Variants in KIF1B observed in about 807,000 individuals in gnomAD.
KIF1B encodes kinesin family member 1B, also known as kinesin-like protein KIF1B.
KIF1B carries 76 observed loss-of-function variants against 241.9 expected under a neutral mutation model. The ratio of observed to expected loss-of-function variants is 0.31; its 90% confidence interval spans 0.26 to 0.38. The LOEUF (loss-of-function observed/expected upper bound fraction) is 0.38. Ranked by LOEUF, KIF1B falls within the 10% of genes least tolerant of loss-of-function variation. The pLI is 1.00. For missense variants in KIF1B, 1,622 were observed against 2,271.4 expected (o/e 0.71, Z 5.81); for synonymous variants, 750 against 796.7 (o/e 0.94, Z 0.99).
chr1:10,234,576 C>T (rs1647025385), intron 2 of KIF1B, among the ~76,000 whole-genome samples: 1 of 151,502 alleles, frequency 6.6e-6, no homozygotes, highest in East Asian at 1.9e-4. Flanking sequence ...GGCTGGAGTG[C>T]AGTGGTGCAA....
chr1:10,362,439 G>T (rs1380922464), intron 40 of KIF1B, among the ~76,000 whole-genome samples: 1 of 149,790 alleles, frequency 6.7e-6, no homozygotes, highest in African/African-American at 2.5e-5. Flanking sequence ...TAGAGCCACT[G>T]CACTCCAGCC....
At chr1:10,339,400 CTG>C (rs1305877912) in intron 31 of KIF1B, among the ~76,000 whole-genome samples, 1 of 152,154 alleles carries the variant, frequency 6.6e-6, no homozygotes. Flanking sequence ...CTCGCACTAA[CTG>C]TGGAAGCTTG....
Position 10,219,928 on chromosome 1 carries a change from C to T in KIF1B, c.-80+9050C>T, listed in dbSNP as rs540994892. On this transcript the variant is annotated intron_variant, in intron 1 of 48. Coordinates refer to ENST00000676179, the MANE Select transcript of KIF1B (RefSeq NM_001365951.3). ...ATTAAAGATAAATTTAGTGGATGGG[C>T]GCGGTGGTTCATGCTTGTAATCCCA... 4.6e-5 allele frequency among the ~76,000 whole-genome samples: 7 copies of T among 150,604 alleles called. 2 individuals are homozygous for T. The highest frequency in any genetic ancestry group is 2.1e-4 in the South Asian group (1 of 4,726).
intron 35 of KIF1B, among the ~76,000 whole-genome samples, chr1:10,346,629 T>C (rs1361117238): frequency 6.6e-6 from 1 of 152,244 alleles, no homozygotes; most frequent in African/African-American, 2.4e-5. Context: ...CCTCCCAAAG[T>C]GCTGGGATTA....
At chr1:10,366,162 C>A (rs568699503) in intron 43 of KIF1B, among the ~76,000 whole-genome samples, 29 of 151,962 alleles carry the variant, frequency 1.9e-4, no homozygotes, top group African/African-American at 6.8e-4. Flanking sequence ...ACCCAGGAGG[C>A]GGAGATTGCA....
intron 1 of KIF1B, among the ~76,000 whole-genome samples, chr1:10,219,822 C>T (rs914029374): frequency 6.6e-6 from 1 of 152,046 alleles, no homozygotes; most frequent in Non-Finnish European, 1.5e-5. Flanking sequence ...AATCCCAGCA[C>T]TTTGGGAGGC....
At chr1:10,339,671 A>G in intron 31 of KIF1B, 98 bp from the exon 32 acceptor site, 1 of 971,736 alleles carries the variant, frequency 1.0e-6, no homozygotes, top group Non-Finnish European at 1.6e-6. Context: ...CTTAAGTGGA[A>G]TGCTTCTTTC....
rs1638547022 is a variant in KIF1B at position 10,365,547 on chromosome 1, A to G, written c.4651A>G (p.Thr1551Ala). The G allele has an allele frequency of 6.2e-7, 1 of 1,614,044 alleles. No homozygotes were observed. The highest frequency in any genetic ancestry group is 8.5e-7 in the Non-Finnish European group (1 of 1,179,998). Reference protein sequence around the residue: ...TSTSISSQISTTTFESAITPS... With the variant: ...TSTSISSQISATTFESAITPS... ...CACCAGTATCTCCTCTCAGATCTCA[A>G]CCACTACCTTTGAAAGCGCCATCAC... Residue 1551 changes from threonine to alanine, a missense_variant, in exon 43 of 49, where the codon ACC (threonine) becomes GCC (alanine). By Grantham distance (58) the Thr-to-Ala change is moderately conservative. Around this residue, in one of 7 missense-constraint regions of KIF1B, gnomAD observed 357 missense variants for 409.0 expected, o/e 0.87. Coordinates refer to ENST00000676179, the MANE Select transcript of KIF1B (RefSeq NM_001365951.3). This position sits in a 1 kb window ranked among gnomAD's most constrained non-coding sequence, Gnocchi z 4.0.
At chr1:10,212,016 C>T (rs1268476389) in intron 1 of KIF1B, among the ~76,000 whole-genome samples, 1 of 152,126 alleles carries the variant, frequency 6.6e-6, no homozygotes, top group African/African-American at 2.4e-5. Context: ...TCTGAGGACG[C>T]AGGCTGTCAT....
intron 17 of KIF1B, 142 bp downstream of exon 17, chr1:10,292,264 A>T: frequency 1.4e-6 from 1 of 712,184 alleles, no homozygotes; most frequent in East Asian, 2.7e-5. Context: ...TTCTGATTTC[A>T]TCTTAGAGCA....
intron 22 of KIF1B, among the ~76,000 whole-genome samples, chr1:10,315,883 C>A (rs1220489314): frequency 2.6e-5 from 4 of 151,066 alleles, no homozygotes; most frequent in Non-Finnish European, 5.9e-5. Context: ...TGGTAAAACC[C>A]CCTCTCTATT....
At chr1:10,338,665 A>C (rs1347920926) in intron 31 of KIF1B, among the ~76,000 whole-genome samples, 2 of 152,236 alleles carry the variant, frequency 1.3e-5, no homozygotes. Context: ...CAGCATCTCT[A>C]CCTGGTGTTA....
Position 10,223,551 on chromosome 1 carries a change from T to TG in KIF1B, c.-79-8699_-79-8698insG, listed in dbSNP as rs1646872371. ...TTTTTTTTTTGTTTTGTTTTGTTTT[T>TG]TTTTTTTTTTTTTTTAGACGGAGTC... On this transcript the variant is annotated intron_variant, in intron 1 of 48. Coordinates refer to ENST00000676179, the MANE Select transcript of KIF1B (RefSeq NM_001365951.3). Among the ~76,000 whole-genome samples, 6 of 149,016 alleles carry TG rather than the reference T, an allele frequency of 4.0e-5. No homozygotes were observed. In the Admixed American group the frequency reaches 4.0e-4, roughly 10 times the overall value.
chr1:10,268,119 C>T (rs755900709), intron 6 of KIF1B, 33 bp from the exon 7 acceptor site: 1 of 1,429,798 alleles, frequency 7.0e-7, no homozygotes, highest in South Asian at 1.2e-5. Flanking sequence ...CTAAGAATTC[C>T]CTTGTCACGT....
chr1:10,242,475 C>T (rs1571124324), intron 2 of KIF1B, among the ~76,000 whole-genome samples: 1 of 152,228 alleles, frequency 6.6e-6, no homozygotes, highest in Admixed American at 6.5e-5. Flanking sequence ...ACATATCTAA[C>T]CATAGAAAGG....
intron 15 of KIF1B, among the ~76,000 whole-genome samples, chr1:10,289,275 C>T (rs1649867716): frequency 6.6e-6 from 1 of 152,178 alleles, no homozygotes; most frequent in Non-Finnish European, 1.5e-5. Flanking sequence ...GTGAATACTC[C>T]AGTTCTAGCT....
intron 34 of KIF1B, chr1:10,345,491 T>C (rs1302981348): frequency 3.2e-6 from 1 of 309,986 alleles, no homozygotes; most frequent in Non-Finnish European, 6.2e-6. Flanking sequence ...TTTCCAAGCA[T>C]TGTCTCTCCC....
intron 1 of KIF1B, among the ~76,000 whole-genome samples, chr1:10,224,395 C>T (rs189884833): frequency 9.9e-5 from 15 of 152,216 alleles, no homozygotes; most frequent in African/African-American, 1.7e-4. Context: ...GGATTACAAG[C>T]GTGAGCTGCC....
At chr1:10,375,130 A>G (rs1431949257) in intron 47 of KIF1B, 84 bp downstream of exon 47, 1 of 1,531,942 alleles carries the variant, frequency 6.5e-7, no homozygotes, top group Non-Finnish European at 9.0e-7. Flanking sequence ...GTGGTGTGAA[A>G]TTTCCCTATT....
Sources: allele counts gnomAD v4.1 joint callset (sites outside exome capture counted in the v4.1 genomes callset), GRCh38; gene constraint gnomAD v4.1.1; regional missense constraint gnomAD v4.1.1; non-coding constraint Gnocchi (gnomAD v3.1); transcripts MANE v1.5; gene names NCBI Gene and HGNC (gene_info 2026-07-23, HGNC 2026-07-21).